FUOM: variants seen among roughly 807,000 people sequenced by gnomAD.
FUOM encodes protein fucU homolog.
Under a neutral mutation model 18.3 loss-of-function variants are expected in FUOM, and 19 were observed. The ratio of observed to expected loss-of-function variants is 1.04; its 90% confidence interval spans 0.73 to 1.53. FUOM has a LOEUF of 1.53. FUOM is among the 40% of genes most tolerant of loss of function. The pLI is 0.00. For missense variants in FUOM, 210 were observed against 200.9 expected (o/e 1.04, Z -0.27); for synonymous variants, 102 against 87.9 (o/e 1.16, Z -0.90).
intron 1 of FUOM, 24 bp from the exon 2 acceptor site, chr10:133,357,279 G>A: frequency 1.3e-6 from 2 of 1,559,108 alleles, no homozygotes; most frequent in African/African-American, 1.4e-5. Flanking sequence ...AGGACAGCCC[G>A]TGTCGGCACC....
chr10:133,357,808 C>G (rs1377945249), intron 1 of FUOM, 115 bp downstream of exon 1: 15 of 760,480 alleles, frequency 2.0e-5, no homozygotes, highest in Non-Finnish European at 2.8e-5. Context: ...CAGGGAGGCC[C>G]GAGCAACGCC....
rs199633696 is a variant in FUOM at position 133,357,155 on chromosome 10, G to A, written c.154+32C>T. ...AGCCAGGAGCACCGCTCACCCGCCC[G>A]CCCTGCCCTGGGGGACCTGGGGCTC... is the stretch of plus-strand genomic sequence containing the variant. On this transcript the variant is annotated intron_variant, in intron 2 of 5. Coordinates refer to ENST00000278025, the MANE Select transcript of FUOM (RefSeq NM_001098483.3). 3.3e-5 allele frequency: 38 copies of A among 1,138,786 alleles called. 1 individual carries two copies. The African/African-American group carries it at 3.6e-4, about 11-fold the overall frequency. 70.5% of individuals were successfully genotyped at this position (1,138,786 alleles called of 1,614,324 possible). A position where few individuals can be genotyped will look rare whatever the true frequency, so the allele number is the denominator to read the frequency against.
chr10:133,354,309 C>T (rs1589869675), downstream of FUOM, among the ~76,000 whole-genome samples: 1 of 152,176 alleles, frequency 6.6e-6, no homozygotes, highest in Non-Finnish European at 1.5e-5. Context: ...CGGACAGGAC[C>T]CCAAAGTCTG....
intron 2 of FUOM, 42 bp downstream of exon 2, chr10:133,357,145 T>C: frequency 6.5e-7 from 1 of 1,548,210 alleles, no homozygotes; most frequent in Non-Finnish European, 8.7e-7. Context: ...GGAGCACCGC[T>C]CACCCGCCCG....
At position 133,357,904 on chromosome 10, in the gene FUOM, C is replaced by A; in HGVS notation, c.85+19G>T. On this transcript the variant is annotated intron_variant, in intron 1 of 5. Coordinates refer to ENST00000278025, the MANE Select transcript of FUOM (RefSeq NM_001098483.3). ...CCTGTCCCGGGGTGCTCCCCGAGGC[C>A]CCGGCCCGCTGCGCTCACCGATCTC... The A allele has an allele frequency of 1.3e-6, 2 of 1,518,600 alleles. No individual in the cohort carries two copies. Among genetic ancestry groups the A allele is most frequent in the African/African-American group, 2.9e-5 (2 of 69,840 alleles). 94.1% of individuals were successfully genotyped at this position (1,518,600 alleles called of 1,614,324 possible).
rs545051871 is a variant in FUOM at position 133,355,979 on chromosome 10, G to C, written c.325-168C>G. Among the ~76,000 whole-genome samples, 42 of 152,332 alleles carry C rather than the reference G, an allele frequency of 2.8e-4. 2 individuals are homozygous for C. The East Asian group carries it at 8.1e-3, about 29-fold the overall frequency. ...CGGTCACTCAGCCTCTGGCTCCCAA[G>C]GCCTAGGACAGGGGGTCCCAGGACA... On this transcript the variant is annotated intron_variant, in intron 4 of 5. Coordinates refer to ENST00000278025, the MANE Select transcript of FUOM (RefSeq NM_001098483.3).
chr10:133,355,552 A>G (rs1233889549), intron 5 of FUOM, 116 bp from the exon 6 acceptor site: 2 of 1,609,958 alleles, frequency 1.2e-6, no homozygotes, highest in Non-Finnish European at 1.7e-6. Context: ...CTTGATGCTC[A>G]GGCAAATGGG....
At position 133,356,695 on chromosome 10, in the gene FUOM, A is replaced by G; in HGVS notation, c.269T>C (p.Leu90Pro). Residue 90 changes from leucine (L) to proline (P), a missense_variant, in exon 4 of 6, where the codon CTG becomes CCG. Physicochemically the swap from Leu to Pro is moderately conservative, Grantham distance 98. Transcript: ENST00000278025. Reference sequence around the variant, plus strand: ...GTACTCCGTCCACACTGGGGTCTGCAGGCCCCTCTCCTTGTCGCTGGGCAC... The same window carrying G: ...GTACTCCGTCCACACTGGGGTCTGCGGGCCCCTCTCCTTGTCGCTGGGCAC... ...ELVPSDKERG[L>P]QTPVWTEYES... 5 of 1,600,818 alleles carry G rather than the reference A, an allele frequency of 3.1e-6. No individual in the cohort carries two copies. The highest frequency in any genetic ancestry group is 4.3e-6 in the Non-Finnish European group (5 of 1,172,820).
At chr10:133,354,597 A>G (rs1457033066), downstream of FUOM, among the ~76,000 whole-genome samples, 4 of 152,176 alleles carry the variant, frequency 2.6e-5, no homozygotes, top group Admixed American at 2.6e-4. Flanking sequence ...GGGTCCGGAC[A>G]GTGGCTGGTG....
rs1231661177 is a variant in FUOM, at chr10:133,355,422, T to A, written c.413A>T (p.Tyr138Phe). The A allele has an allele frequency of 1.9e-6, 3 of 1,609,912 alleles. No individual in the cohort carries two copies. The highest frequency in any genetic ancestry group is 2.5e-6 in the Non-Finnish European group (3 of 1,179,126). The change falls in exon 6 of 6, where the codon TAC becomes TTC. Residue 138 changes from tyrosine to phenylalanine, a missense_variant. Coordinates refer to ENST00000278025, the MANE Select transcript of FUOM (RefSeq NM_001098483.3). ...CCCCTTCCTGAGGATGAGGTTTCCG[T>A]AGAGGGCCGTCTCCCTGCAGAGGAG... ...AVVATGETALYGNLILRKGVL... is the reference protein window; with the variant it reads ...AVVATGETALFGNLILRKGVL...
At chr10:133,356,526 G>A (rs1848805381) in intron 4 of FUOM, 114 bp downstream of exon 4, 1 of 713,642 alleles carries the variant, frequency 1.4e-6, no homozygotes, top group Non-Finnish European at 2.2e-6. Flanking sequence ...CAGGGTGATG[G>A]GTGGGAGACC....
At chr10:133,357,288 C>A in intron 1 of FUOM, 33 bp from the exon 2 acceptor site, 2 of 1,552,298 alleles carry the variant, frequency 1.3e-6, no homozygotes, top group Non-Finnish European at 1.7e-6. Flanking sequence ...CGTGTCGGCA[C>A]CTATCCCTGC....
At chr10:133,356,802 C>T (rs45487003) in intron 3 of FUOM, 64 bp from the exon 4 acceptor site, 31,965 of 1,452,884 alleles carry the variant, frequency 0.022, 421 homozygotes, top group Middle Eastern at 0.04. Flanking sequence ...GGTGACCATT[C>T]GGGACTCCCC....
At position 133,356,656 on chromosome 10, in the gene FUOM, C is replaced by T. The variant is rs774053362; in HGVS notation, c.308G>A (p.Arg103His). The T allele has an allele frequency of 2.5e-6, 4 of 1,587,906 alleles. No homozygotes were observed. Among genetic ancestry groups the T allele is most frequent in the South Asian group, 2.3e-5 (2 of 88,296 alleles). The change falls in exon 4 of 6, where the codon CGC becomes CAC. Residue 103 changes from arginine (R) to histidine (H), a missense_variant. By Grantham distance (29) the Arg-to-His change is conservative. Coordinates refer to ENST00000278025, the MANE Select transcript of FUOM (RefSeq NM_001098483.3). ...CAGGCTTACCACACAGCCGGCCCTG[C>T]GTAGGATGGACTCGTACTCCGTCCA... is the stretch of plus-strand genomic sequence containing the variant. Reference protein sequence around the residue: ...PVWTEYESILRRAGCVRALAK... With the variant: ...PVWTEYESILHRAGCVRALAK...
rs369483839 is a variant in FUOM, at chr10:133,357,275, G to A, written c.86-20C>T. 3.5e-4 allele frequency: 551 copies of A among 1,560,258 alleles called. 2 individuals are homozygous for A. The highest frequency in any genetic ancestry group is 2.8e-3 in the South Asian group (239 of 84,690). On this transcript the variant is annotated intron_variant, in intron 1 of 5. Transcript: ENST00000278025. ...CAAGAACTAAACAGCCGGGAGGACA[G>A]CCCGTGTCGGCACCTATCCCTGCCC...
At chr10:133,356,775 G>A (rs772605715) in intron 3 of FUOM, 37 bp from the exon 4 acceptor site, 1 of 1,504,398 alleles carries the variant, frequency 6.6e-7, no homozygotes, top group African/African-American at 1.4e-5. Flanking sequence ...CCTGGGCACT[G>A]CCAGCCTTCC....
chr10:133,353,852 TGAG>T (rs1465393043), downstream of FUOM, among the ~76,000 whole-genome samples: 6 of 151,914 alleles, frequency 3.9e-5, no homozygotes, highest in African/African-American at 9.7e-5. Context: ...CGCTCAGGGC[TGAG>T]ATTTGGGCAA....
Position 133,357,028 on chromosome 10 carries a change from A to C in FUOM, c.155-15T>G, listed in dbSNP as rs1564798517. 1.2e-5 allele frequency: 19 copies of C among 1,549,364 alleles called. No homozygotes were observed. In the Middle Eastern group the frequency reaches 5.2e-4, roughly 42 times the overall value. On this transcript the variant is annotated splice_polypyrimidine_tract_variant and intron_variant, in intron 2 of 5. Transcript: ENST00000278025. ...GATGCCCAGGCCTGGAGGGCAGAGG[A>C]GGCAGCACTCAGTCTCCAGCCCGCC...
chr10:133,356,189 C>T (rs1034145268), intron 4 of FUOM, among the ~76,000 whole-genome samples: 6 of 152,228 alleles, frequency 3.9e-5, no homozygotes, highest in African/African-American at 1.2e-4. Context: ...GGAAAATGGG[C>T]CTGTCCCCTT....
Sources: allele counts gnomAD v4.1 joint callset (sites outside exome capture counted in the v4.1 genomes callset), GRCh38; gene constraint gnomAD v4.1.1; transcripts MANE v1.5; gene names NCBI Gene and HGNC (gene_info 2026-07-23, HGNC 2026-07-21).